The following PPP6R3 variants were observed in gnomAD, a reference collection of about 807,000 sequenced individuals.
The protein encoded by PPP6R3 is serine/threonine-protein phosphatase 6 regulatory subunit 3.
PPP6R3 carries 38 observed loss-of-function variants against 110.7 expected under a neutral mutation model. That is an observed-to-expected ratio of 0.34 (90% confidence interval 0.26 to 0.45). PPP6R3 has a LOEUF of 0.45. Ranked by LOEUF, PPP6R3 falls within the 20% of genes least tolerant of loss-of-function variation. The probability of loss-of-function intolerance (pLI) is 1.00; values close to 1 mark genes in which losing one functional copy is unlikely to be tolerated. For synonymous variants in PPP6R3, 369 were observed against 373.5 expected (o/e 0.99, Z 0.14); for missense variants, 870 against 1,062.4 (o/e 0.82, Z 2.52).
In PPP6R3 at chr11:68,609,743, CTG is replaced by C. The variant is rs981968192; in HGVS notation, c.2451-158_2451-157del. ...CCTTTTGTGATTCCCCAGTCACTGT[CTG>C]TGGTTGTGTGATCGTGCACCCTGCG... is the stretch of plus-strand genomic sequence containing the variant. On this transcript the variant is annotated intron_variant, in intron 22 of 23. Coordinates refer to ENST00000393800, the MANE Select transcript of PPP6R3 (RefSeq NM_001164161.2). The C allele has an allele frequency of 7.1e-6, 11 of 1,555,480 alleles. No individual in the cohort carries two copies. In the East Asian group the frequency reaches 2.5e-4, roughly 35 times the overall value.
rs11606557 is a variant in PPP6R3, at chr11:68,465,245, C to T, written c.-158+4418C>T. On this transcript the variant is annotated intron_variant, in intron 1 of 23. Transcript: ENST00000393800. ...GAGAATTAGCCCTGGATCAGTTTAC[C>T]AGTTCTGCCCATTGAGGGCACAGAT... 7.6e-3 allele frequency among the ~76,000 whole-genome samples: 1,162 copies of T among 152,244 alleles called. 7 individuals carry two copies. Among genetic ancestry groups the T allele is most frequent in the Middle Eastern group, 0.014 (4 of 294 alleles).
intron 1 of PPP6R3, among the ~76,000 whole-genome samples, chr11:68,484,475 C>G (rs1163213316): frequency 6.6e-6 from 1 of 152,028 alleles, no homozygotes; most frequent in Non-Finnish European, 1.5e-5. Flanking sequence ...AACATGTTTT[C>G]AAATGCTTAC....
intron 20 of PPP6R3, 63 bp downstream of exon 20, chr11:68,600,557 G>C (rs2099628736): frequency 1.3e-5 from 20 of 1,547,196 alleles, no homozygotes; most frequent in Non-Finnish European, 1.7e-5. Flanking sequence ...TCAGGTGTTT[G>C]CTGTTAACGT....
intron 2 of PPP6R3, among the ~76,000 whole-genome samples, chr11:68,526,370 G>T (rs891029848): frequency 2.0e-5 from 3 of 151,994 alleles, no homozygotes; most frequent in Non-Finnish European, 4.4e-5. Flanking sequence ...CTCCTGAGTA[G>T]CTAGGACTAC....
intron 2 of PPP6R3, among the ~76,000 whole-genome samples, chr11:68,534,355 A>G (rs917377529): frequency 6.6e-6 from 1 of 152,308 alleles, no homozygotes; most frequent in Admixed American, 6.5e-5. Flanking sequence ...TCTGTCATAT[A>G]TTCCTTTTTT....
intron 1 of PPP6R3, among the ~76,000 whole-genome samples, chr11:68,476,041 C>T (rs2098829130): frequency 6.6e-6 from 1 of 152,086 alleles, no homozygotes; most frequent in Non-Finnish European, 1.5e-5. Flanking sequence ...CAGAGACGCT[C>T]CTCACTTCCC....
chr11:68,556,562 A>G (rs34933835), intron 7 of PPP6R3, among the ~76,000 whole-genome samples: 1 of 151,692 alleles, frequency 6.6e-6, no homozygotes, highest in Non-Finnish European at 1.5e-5. Context: ...AAAAAAAAAA[A>G]CAATGAGCCA....
chr11:68,460,908 C>CA (rs2098698868), intron 1 of PPP6R3, 81 bp downstream of exon 1: 1 of 332 alleles, frequency 3.0e-3, no homozygotes, highest in Non-Finnish European at 4.5e-3. Context: ...GGCCCCTCCA[C>CA]CTGGCCTCAG....
intron 22 of PPP6R3, among the ~76,000 whole-genome samples, chr11:68,608,139 A>C (rs1461884495): frequency 6.6e-6 from 1 of 152,144 alleles, no homozygotes; most frequent in Admixed American, 6.5e-5. Flanking sequence ...CTGCAGACAA[A>C]ATTAAGAGGC....
chr11:68,613,189 G>A lies in PPP6R3; in HGVS notation c.*72G>A, dbSNP rs1944433947. On this transcript the variant is annotated 3_prime_UTR_variant, in exon 24 of 24. Transcript: ENST00000393800. ...CTCAGGGGCTCTGGAGGGGTCAGCT[G>A]GAGCCCACCAAGCTGTCACTGCTGC... is the stretch of plus-strand genomic sequence containing the variant. 1 of 1,596,098 alleles carries A rather than the reference G, an allele frequency of 6.3e-7. No homozygotes were observed. Among genetic ancestry groups the A allele is most frequent in the Admixed American group, 1.7e-5 (1 of 58,002 alleles).
At chr11:68,596,357 C>CTCT in intron 19 of PPP6R3, 139 bp downstream of exon 19, 1 of 1,210,524 alleles carries the variant, frequency 8.3e-7, no homozygotes, top group Non-Finnish European at 1.2e-6. Flanking sequence ...AAGTGAATTC[C>CTCT]TCTTGGAGGT....
intron 18 of PPP6R3, among the ~76,000 whole-genome samples, chr11:68,594,972 G>T (rs1285736887): frequency 6.6e-6 from 1 of 152,168 alleles, no homozygotes; most frequent in Non-Finnish European, 1.5e-5. Context: ...GTGAAGAAAG[G>T]ATAGTCTTTT....
chr11:68,562,065 C>T (rs777873376), intron 8 of PPP6R3, among the ~76,000 whole-genome samples: 4 of 140,290 alleles, frequency 2.9e-5, no homozygotes, highest in African/African-American at 7.7e-5. Context: ...AAAAAAAAAA[C>T]GCATACTCCT....
chr11:68,537,947 T>TA, intron 3 of PPP6R3, 56 bp downstream of exon 3: 1 of 1,271,460 alleles, frequency 7.9e-7, no homozygotes, highest in Non-Finnish European at 1.1e-6. Context: ...GGGGGTAGAA[T>TA]ATACAGCTCT....
rs150747857 is a variant in PPP6R3 at position 68,546,411 on chromosome 11, C to T, written c.414+1387C>T. On this transcript the variant is annotated intron_variant, in intron 4 of 23. Coordinates refer to ENST00000393800, the MANE Select transcript of PPP6R3 (RefSeq NM_001164161.2). ...ATCCAAGTTGGCGAGCCCCGATTTTCAGTGTACACATAAAGAGAGAGAATA... is the reference window on the plus strand; with the variant it reads ...ATCCAAGTTGGCGAGCCCCGATTTTTAGTGTACACATAAAGAGAGAGAATA... 3.8e-3 allele frequency among the ~76,000 whole-genome samples: 577 copies of T among 152,300 alleles called. 2 individuals carry two copies. The highest frequency in any genetic ancestry group is 0.013 in the African/African-American group (553 of 41,556).
intron 6 of PPP6R3, 138 bp downstream of exon 6, chr11:68,551,324 A>C (rs2099374017): frequency 1.5e-6 from 1 of 653,748 alleles, no homozygotes; most frequent in East Asian, 2.8e-5. Flanking sequence ...AGTGTTCTTA[A>C]AGTTGATACT....
chr11:68,558,720 T>C, intron 8 of PPP6R3, 41 bp downstream of exon 8: 1 of 1,462,412 alleles, frequency 6.8e-7, no homozygotes, highest in Non-Finnish European at 9.5e-7. Flanking sequence ...CCATGTTGTT[T>C]TGCTTTCAGA....
At position 68,569,789 on chromosome 11, in the gene PPP6R3, A is replaced by G. The variant is rs1437836827; in HGVS notation, c.1170A>G (p.Thr390=). 6.2e-7 allele frequency: 1 copy of G among 1,604,130 alleles called. No individual in the cohort carries two copies. The highest frequency in any genetic ancestry group is 2.2e-5 in the East Asian group (1 of 44,680). ...ATACATGGAATAACTTTTTGCATAC[A>G]CAAGTGGAAATTTGTATTGCACTGA... is the stretch of plus-strand genomic sequence containing the variant. ...FKYTWNNFLH[T]QVEICIALIL... is the part of the protein sequence containing the mutation. The change falls in exon 11 of 24, where the codon ACA becomes ACG. Residue 390 remains threonine (T), a synonymous_variant. Coordinates refer to ENST00000393800, the MANE Select transcript of PPP6R3 (RefSeq NM_001164161.2).
chr11:68,557,611 T>C (rs2099404567), intron 7 of PPP6R3, among the ~76,000 whole-genome samples: 1 of 152,174 alleles, frequency 6.6e-6, no homozygotes, highest in Non-Finnish European at 1.5e-5. Flanking sequence ...CTCTGCCTGC[T>C]GGGTTCAAGC....
Sources: allele counts gnomAD v4.1 joint callset (sites outside exome capture counted in the v4.1 genomes callset), GRCh38; gene constraint gnomAD v4.1.1; transcripts MANE v1.5; gene names NCBI Gene and HGNC (gene_info 2026-07-23, HGNC 2026-07-21).